Variants in MPDZ observed in about 807,000 individuals in gnomAD.
MPDZ encodes multiple PDZ domain protein.
In MPDZ, 234 loss-of-function variants were observed where a neutral mutation model predicts 239.1. The ratio of observed to expected loss-of-function variants is 0.98; its 90% CI spans 0.88 to 1.09. MPDZ has a LOEUF of 1.09. MPDZ is among the 50% of genes least tolerant of loss of function. The probability of loss-of-function intolerance (pLI) is 0.00; values close to 1 mark genes in which losing one functional copy is unlikely to be tolerated. For synonymous variants in MPDZ, 1,048 were observed against 881.3 expected, an observed-to-expected ratio of 1.19 and a Z score of -3.35; for missense variants, 3,175 against 2,510.0, an observed-to-expected ratio of 1.26 and a Z score of -5.66.
chr9:13,150,763 T>C (rs767626649), intron 24 of MPDZ, 75 bp from the exon 25 acceptor site: 1 of 1,000,576 alleles, frequency 1.0e-6, no homozygotes, highest in Non-Finnish European at 1.3e-6. Flanking sequence ...AATTTGGCAA[T>C]GATTTCTTAT....
At chr9:13,251,104 G>A (rs539443321) in intron 1 of MPDZ, among the ~76,000 whole-genome samples, 16 of 142,882 alleles carry the variant, frequency 1.1e-4, no homozygotes, top group African/African-American at 3.9e-4. Flanking sequence ...ACTCCAGCCT[G>A]GGCCACAGAA....
chr9:13,243,861 A>G (rs980298375), intron 3 of MPDZ, among the ~76,000 whole-genome samples: 1 of 152,180 alleles, frequency 6.6e-6, no homozygotes. Context: ...AACACCAACA[A>G]CAAAACAATA....
intron 42 of MPDZ, 57 bp from the exon 43 acceptor site, chr9:13,112,203 G>A: frequency 2.0e-6 from 3 of 1,516,778 alleles, no homozygotes; most frequent in Non-Finnish European, 2.7e-6. Flanking sequence ...TTGACCTTTT[G>A]TTTATTCTTT....
chr9:13,223,494 T>G (rs1410244854), intron 5 of MPDZ, 77 bp downstream of exon 5: 1 of 1,453,944 alleles, frequency 6.9e-7, no homozygotes, highest in Admixed American at 2.4e-5. Context: ...CATTATTATT[T>G]TTCTAAATTC....
intron 13 of MPDZ, among the ~76,000 whole-genome samples, chr9:13,195,574 T>G (rs1211873395): frequency 1.3e-5 from 2 of 152,098 alleles, no homozygotes; most frequent in Non-Finnish European, 2.9e-5. Context: ...GACCCCCTTT[T>G]GGGATGGTAG....
At chr9:13,156,669 A>G (rs1304030483) in intron 24 of MPDZ, among the ~76,000 whole-genome samples, 2 of 152,196 alleles carry the variant, frequency 1.3e-5, no homozygotes, top group Non-Finnish European at 2.9e-5. Flanking sequence ...ACACAGAGCC[A>G]AACTATATCA....
chr9:13,197,537 T>C (rs1397957972), intron 12 of MPDZ, among the ~76,000 whole-genome samples: 2 of 152,182 alleles, frequency 1.3e-5, no homozygotes, highest in African/African-American at 2.4e-5. Context: ...TACATGTATA[T>C]AATGTGTAAT....
At position 13,176,016 on chromosome 9, in the gene MPDZ, C is replaced by A. The variant is rs974715680; in HGVS notation, c.2931+120G>T. 1.6e-5 allele frequency: 22 copies of A among 1,418,808 alleles called. No homozygotes were observed. The East Asian group carries it at 5.5e-4, about 35-fold the overall frequency. 87.9% of individuals were successfully genotyped at this position (1,418,808 alleles called of 1,614,324 possible). A position where few individuals can be genotyped will look rare whatever the true frequency, so the allele number is the denominator to read the frequency against. On this transcript the variant is annotated intron_variant, in intron 20 of 46. Coordinates refer to ENST00000319217, the MANE Select transcript of MPDZ (RefSeq NM_001378778.1). ...GCAACCAAAACAAGTTCATAGGTTG[C>A]CTTCTGAAAATCTTAGTGTCAAGAA...
intron 1 of MPDZ, among the ~76,000 whole-genome samples, chr9:13,250,990 G>A (rs1967822611): frequency 6.6e-6 from 1 of 151,686 alleles, no homozygotes; most frequent in Non-Finnish European, 1.5e-5. Context: ...TTAGCTGGGT[G>A]TGGTTGTGCA....
At chr9:13,198,572 G>T (rs1164257073) in intron 12 of MPDZ, among the ~76,000 whole-genome samples, 1 of 151,894 alleles carries the variant, frequency 6.6e-6, no homozygotes, top group Non-Finnish European at 1.5e-5. Context: ...TTGCTGTGCA[G>T]GAAAGCTTTT....
chr9:13,151,950 AAT>A (rs1190530734), intron 24 of MPDZ, among the ~76,000 whole-genome samples: 1 of 152,102 alleles, frequency 6.6e-6, no homozygotes, highest in Non-Finnish European at 1.5e-5. Flanking sequence ...ATCTGATATT[AAT>A]GTATTTCTGA....
intron 12 of MPDZ, among the ~76,000 whole-genome samples, chr9:13,202,764 G>C (rs928528851): frequency 2.0e-5 from 3 of 152,200 alleles, no homozygotes; most frequent in Non-Finnish European, 4.4e-5. Context: ...GCCAGTTTGA[G>C]GAAGGGTGCA....
chr9:13,110,077 G>T lies in MPDZ; in HGVS notation c.5830-13C>A, dbSNP rs760320154. On this transcript the variant is annotated splice_polypyrimidine_tract_variant and intron_variant, in intron 44 of 46. Coordinates refer to ENST00000319217, the MANE Select transcript of MPDZ (RefSeq NM_001378778.1). The stretch of plus-strand genomic sequence containing the variant: ...CTCCAGCAACCACCTGCGCACAGGA[G>T]GAGGATAAACAGAAAAAACACATGT... The T allele has an allele frequency of 2.5e-6, 4 of 1,600,956 alleles. No homozygotes were observed. The highest frequency in any genetic ancestry group is 3.4e-6 in the Non-Finnish European group (4 of 1,172,188).
chr9:13,137,219 C>T (rs1946953888), intron 29 of MPDZ, among the ~76,000 whole-genome samples: 1 of 152,006 alleles, frequency 6.6e-6, no homozygotes, highest in African/African-American at 2.4e-5. Context: ...AAACTCAAGC[C>T]CTGGAAATAG....
chr9:13,207,103 A>C (rs1322138779), intron 10 of MPDZ, among the ~76,000 whole-genome samples: 3 of 152,176 alleles, frequency 2.0e-5, no homozygotes, highest in Non-Finnish European at 2.9e-5. Flanking sequence ...CACTGAGTGC[A>C]CTGATGTATC....
chr9:13,130,108 C>T (rs1333825759), intron 32 of MPDZ, among the ~76,000 whole-genome samples: 1 of 152,144 alleles, frequency 6.6e-6, no homozygotes, highest in Non-Finnish European at 1.5e-5. Flanking sequence ...TGTATGGGTC[C>T]TTTCCTAGGG....
chr9:13,185,090 C>T (rs1291699046), intron 18 of MPDZ, among the ~76,000 whole-genome samples: 1 of 152,010 alleles, frequency 6.6e-6, no homozygotes, highest in African/African-American at 2.4e-5. Flanking sequence ...GTACTATTTA[C>T]ACCACAGTAC....
chr9:13,204,537 A>AATATTAAATCTTGG (rs1956777819), intron 12 of MPDZ, among the ~76,000 whole-genome samples: 1 of 152,226 alleles, frequency 6.6e-6, no homozygotes, highest in Non-Finnish European at 1.5e-5. Context: ...ATTACCTTCC[A>AATATTAAATCTTGG]AACCACTTCC....
intron 20 of MPDZ, 111 bp downstream of exon 20, chr9:13,176,025 A>T: frequency 3.5e-6 from 5 of 1,429,108 alleles, no homozygotes; most frequent in Non-Finnish European, 4.6e-6. Flanking sequence ...GCCTTCTGAA[A>T]ATCTTAGTGT....
Sources: gnomAD v4.1 joint callset for allele counts (sites outside exome capture counted in the v4.1 genomes callset) on GRCh38, gnomAD v4.1.1 for gene constraint, MANE v1.5 for transcripts, NCBI Gene and HGNC (gene_info 2026-07-23, HGNC 2026-07-21) for gene names.